Variants in CDH23 observed in about 807,000 individuals in gnomAD.
The protein encoded by CDH23 is cadherin related 23.
In CDH23, 189 loss-of-function variants were observed where a neutral mutation model predicts 317.1. That is an observed-to-expected ratio of 0.60 (90% CI 0.53 to 0.67). CDH23 has a LOEUF of 0.67. Among genes scored for constraint, CDH23 ranks in the 30% least tolerant of loss-of-function variants. The pLI is 0.00. For missense variants in CDH23, 4,401 were observed against 4,592.4 expected, an observed-to-expected ratio of 0.96 and a Z score of 1.20; for synonymous variants, 1,839 against 1,876.8, an observed-to-expected ratio of 0.98 and a Z score of 0.52.
chr10:71,792,755 G>C (rs1322205873), intron 47 of CDH23, among the ~76,000 whole-genome samples: 1 of 141,996 alleles, frequency 7.0e-6, no homozygotes, highest in African/African-American at 2.6e-5. Flanking sequence ...CTGGGAAGCA[G>C]AGGTTGCAGT....
intron 41 of CDH23, 82 bp from the exon 42 acceptor site, chr10:71,784,205 T>C: frequency 6.8e-7 from 1 of 1,471,418 alleles, no homozygotes; most frequent in African/African-American, 1.4e-5. Flanking sequence ...TGAGGCTTGC[T>C]AGAGGAAGCA....
Position 71,528,413 on chromosome 10 carries a change from C to T in CDH23, c.429+17201C>T, listed in dbSNP as rs376673996. On this transcript the variant is annotated intron_variant, in intron 6 of 69. Transcript: ENST00000224721. ...CCTCGGCCTGGCCAGTGCCTTGGGA[C>T]GGGTCCCTTCCCATAACTCACCCAG... 1.2e-4 allele frequency among the ~76,000 whole-genome samples: 19 copies of T among 152,280 alleles called. 2 individuals are homozygous for T. Among genetic ancestry groups the T allele is most frequent in the Admixed American group, 3.9e-4 (6 of 15,304 alleles).
intron 14 of CDH23, 88 bp downstream of exon 14, chr10:71,646,705 A>G (rs1031517588): frequency 6.2e-7 from 1 of 1,613,024 alleles, no homozygotes; most frequent in Non-Finnish European, 8.5e-7. Flanking sequence ...AAGGGACCTC[A>G]GCAATCAGGG....
intron 53 of CDH23, 67 bp from the exon 54 acceptor site, chr10:71,802,831 A>G: frequency 6.4e-7 from 1 of 1,552,498 alleles, no homozygotes; most frequent in Non-Finnish European, 8.9e-7. Flanking sequence ...TTACTCCTGC[A>G]TGACCAGGTC....
At chr10:71,763,978 T>G (rs1401782954) in intron 38 of CDH23, among the ~76,000 whole-genome samples, 1 of 152,186 alleles carries the variant, frequency 6.6e-6, no homozygotes, top group Non-Finnish European at 1.5e-5. Flanking sequence ...GAGTGGAGTT[T>G]TAGGCAGAGA....
At chr10:71,675,493 G>A (rs566433261) in intron 15 of CDH23, among the ~76,000 whole-genome samples, 27 of 152,316 alleles carry the variant, frequency 1.8e-4, no homozygotes, top group Admixed American at 1.6e-3. Flanking sequence ...CGCCACCACC[G>A]CCAGCCGCAG....
chr10:71,465,676 C>T (rs1383914178), intron 3 of CDH23, among the ~76,000 whole-genome samples: 1 of 152,232 alleles, frequency 6.6e-6, no homozygotes, highest in Non-Finnish European at 1.5e-5. Context: ...TGAAATAACT[C>T]TCCCCACAGC....
intron 1 of CDH23, among the ~76,000 whole-genome samples, chr10:71,398,367 A>C (rs1424824976): frequency 6.6e-6 from 1 of 151,756 alleles, no homozygotes; most frequent in African/African-American, 2.4e-5. Context: ...CTCGCCTTCC[A>C]GCCCCTTGGG....
chr10:71,585,950 T>C lies in CDH23; in HGVS notation c.832+7958T>C, dbSNP rs529789420. 1.7e-4 allele frequency among the ~76,000 whole-genome samples: 26 copies of C among 152,342 alleles called. 1 individual carries two copies. The East Asian group carries it at 3.1e-3, about 18-fold the overall frequency. ...TTCACTGAAGCACAGTCTAGGACTCTCCCTTTCTGCGTCTCGTCTTCCCCA... is the reference window on the plus strand; with the variant it reads ...TTCACTGAAGCACAGTCTAGGACTCCCCCTTTCTGCGTCTCGTCTTCCCCA... On this transcript the variant is annotated intron_variant, in intron 9 of 69. Coordinates refer to ENST00000224721, the MANE Select transcript of CDH23 (RefSeq NM_022124.6).
intron 62 of CDH23, 103 bp downstream of exon 62, chr10:71,810,672 T>A (rs1841888789): frequency 9.6e-7 from 1 of 1,041,604 alleles, no homozygotes; most frequent in Non-Finnish European, 1.5e-6. Flanking sequence ...GACCACACCA[T>A]CAGGCCCACT....
rs544570806 is a variant in CDH23, at chr10:71,544,233, C to T, written c.430-22509C>T. ...ATGCAGGAGAGGTGGACGGGAGTAG[C>T]GGAAAAAAGGGAGATGGGGGTAGAA... On this transcript the variant is annotated intron_variant, in intron 6 of 69. Coordinates refer to ENST00000224721, the MANE Select transcript of CDH23 (RefSeq NM_022124.6). Among the ~76,000 whole-genome samples, 8 of 152,058 alleles carry T rather than the reference C, an allele frequency of 5.3e-5. No homozygotes were observed. In the South Asian group the frequency reaches 1.2e-3, roughly 24 times the overall value.
chr10:71,516,388 G>A (rs1854332662), intron 6 of CDH23, among the ~76,000 whole-genome samples: 1 of 152,164 alleles, frequency 6.6e-6, no homozygotes. Context: ...CAGGGTCAGA[G>A]CCGAAGCCAC....
At chr10:71,507,620 G>A (rs150549523) in intron 3 of CDH23, among the ~76,000 whole-genome samples, 2,512 of 152,298 alleles carry the variant, frequency 0.016, 58 homozygotes, top group African/African-American at 0.053. Flanking sequence ...TTGAACCTGC[G>A]AGGTGGAGGT....
Position 71,751,680 on chromosome 10 carries a change from A to G in CDH23, c.4845+9759A>G, listed in dbSNP as rs1367126222. The G allele has an allele frequency of 1.4e-5, 22 of 1,536,042 alleles. No homozygotes were observed. Among genetic ancestry groups the G allele is most frequent in the Non-Finnish European group, 1.8e-5 (21 of 1,143,278 alleles). Reference sequence around the variant, plus strand: ...AGGAAACACTTACCCAGGGATGGGAAGAAGACGTCTCCGGGGCCTGGAGGA... The same window carrying G: ...AGGAAACACTTACCCAGGGATGGGAGGAAGACGTCTCCGGGGCCTGGAGGA... On this transcript the variant is annotated intron_variant, in intron 38 of 69. Coordinates refer to ENST00000224721, the MANE Select transcript of CDH23 (RefSeq NM_022124.6). The surrounding 1 kb of genome is among the most constrained non-coding windows in gnomAD (Gnocchi z 4.9).
rs373807473 is a variant in CDH23 at position 71,633,854 on chromosome 10, C to T, written c.1135-10007C>T. On this transcript the variant is annotated intron_variant, in intron 11 of 69. Coordinates refer to ENST00000224721, the MANE Select transcript of CDH23 (RefSeq NM_022124.6). Reference sequence around the variant, plus strand: ...TGTCCCCTCCACTCTTCTCAGCTCCCTCTCTGCCACCCAACCATGCAGGAA... The same window carrying T: ...TGTCCCCTCCACTCTTCTCAGCTCCTTCTCTGCCACCCAACCATGCAGGAA... Among the ~76,000 whole-genome samples the T allele has an allele frequency of 9.8e-5, 15 of 152,338 alleles. 1 individual carries two copies. The highest frequency in any genetic ancestry group is 5.2e-4 in the Admixed American group (8 of 15,304).
At chr10:71,450,338 T>C (rs1850374379) in intron 3 of CDH23, among the ~76,000 whole-genome samples, 1 of 148,038 alleles carries the variant, frequency 6.8e-6, no homozygotes, top group Non-Finnish European at 1.5e-5. Context: ...CAATCTTGGC[T>C]CACTGCAGCC....
intron 6 of CDH23, among the ~76,000 whole-genome samples, chr10:71,514,065 G>A (rs758825370): frequency 2.6e-5 from 4 of 151,996 alleles, no homozygotes; most frequent in Non-Finnish European, 4.4e-5. Context: ...TGCACACACA[G>A]TCTATGCCCC....
intron 18 of CDH23, among the ~76,000 whole-genome samples, chr10:71,686,960 C>T (rs752129643): frequency 6.6e-6 from 1 of 152,216 alleles, no homozygotes; most frequent in East Asian, 1.9e-4. Context: ...CCACCCTACC[C>T]TGCCAGGCTC....
rs1182685627 is a variant in CDH23 at position 71,785,092 on chromosome 10, A to G, written c.5704A>G (p.Asn1902Asp). The G allele has an allele frequency of 2.5e-6, 4 of 1,613,660 alleles. No individual in the cohort carries two copies. The highest frequency in any genetic ancestry group is 3.4e-6 in the Non-Finnish European group (4 of 1,179,692). ...AGNRERAFFI[N>D]ATTGIVTVNR... ...CAACCGCGAGCGGGCCTTCTTCATC[A>G]ATGCCACGGTAGGGCCTAGACTGAC... The change falls in exon 43 of 70, where the codon AAT becomes GAT. Residue 1902 changes from asparagine to aspartate, a missense_variant. Physicochemically the swap from Asn to Asp is conservative, Grantham distance 23. Coordinates refer to ENST00000224721, the MANE Select transcript of CDH23 (RefSeq NM_022124.6).
Sources: gnomAD v4.1 joint callset for allele counts (sites outside exome capture counted in the v4.1 genomes callset) on GRCh38, gnomAD v4.1.1 for gene constraint, Gnocchi (gnomAD v3.1) non-coding constraint, MANE v1.5 for transcripts, NCBI Gene and HGNC (gene_info 2026-07-23, HGNC 2026-07-21) for gene names.